TRIM24: variants seen among roughly 807,000 people sequenced by gnomAD.
The protein encoded by TRIM24 is tripartite motif containing 24.
Under a neutral mutation model 123.9 loss-of-function variants are expected in TRIM24, and 29 were observed. The observed-to-expected ratio is 0.23, with a 90% CI of 0.17 to 0.32. The LOEUF (loss-of-function observed/expected upper bound fraction) is 0.32, where lower values mean the gene tolerates loss of function less well. Ranked by LOEUF, TRIM24 falls within the 10% of genes least tolerant of loss-of-function variation. TRIM24 has a pLI of 1.00. For missense variants in TRIM24, 932 were observed against 1,295.3 expected (o/e 0.72, Z 4.31); for synonymous variants, 456 against 461.1 (o/e 0.99, Z 0.14).
intron 14 of TRIM24, among the ~76,000 whole-genome samples, chr7:138,578,544 G>A (rs1797817082): frequency 7.4e-6 from 1 of 134,316 alleles, no homozygotes; most frequent in South Asian, 2.5e-4. Context: ...GTGTGTGTGT[G>A]TGTGTGTGTG....
At chr7:138,472,091 T>A (rs1047090275) in intron 1 of TRIM24, among the ~76,000 whole-genome samples, 1 of 151,966 alleles carries the variant, frequency 6.6e-6, no homozygotes, top group Non-Finnish European at 1.5e-5. Flanking sequence ...TGGGGTAGGT[T>A]AAACAATGAG....
intron 7 of TRIM24, among the ~76,000 whole-genome samples, chr7:138,539,528 G>C (rs935119881): frequency 6.6e-5 from 10 of 152,016 alleles, no homozygotes; most frequent in Non-Finnish European, 1.5e-4. Flanking sequence ...GAGTAACAAA[G>C]ATATAGAAGA....
chr7:138,558,397 C>T (rs565222348), intron 9 of TRIM24, among the ~76,000 whole-genome samples: 13 of 152,262 alleles, frequency 8.5e-5, no homozygotes, highest in South Asian at 8.3e-4. Flanking sequence ...AAGGGCCAGA[C>T]GCTCAAGCTT....
At chr7:138,464,010 T>TTTTTTTTTTTTTTTTTTTTTTTTA (rs1795075994) in intron 1 of TRIM24, among the ~76,000 whole-genome samples, 1 of 134,440 alleles carries the variant, frequency 7.4e-6, no homozygotes, top group African/African-American at 2.8e-5. Context: ...TTTTTTTTTT[T>TTTTTTTTTTTTTTTTTTTTTTTTA]TTGAGACGGA....
At chr7:138,487,730 T>A (rs1435797436) in intron 1 of TRIM24, among the ~76,000 whole-genome samples, 1 of 152,192 alleles carries the variant, frequency 6.6e-6, no homozygotes, top group Non-Finnish European at 1.5e-5. Flanking sequence ...TTTGATATGC[T>A]GCCGGATTTG....
At chr7:138,484,108 A>T (rs949437936) in intron 1 of TRIM24, among the ~76,000 whole-genome samples, 2 of 151,562 alleles carry the variant, frequency 1.3e-5, no homozygotes, top group Non-Finnish European at 2.9e-5. Context: ...TTGATCATAA[A>T]TAGATTTTTT....
At chr7:138,462,272 G>A (rs948028778) in intron 1 of TRIM24, among the ~76,000 whole-genome samples, 3 of 151,706 alleles carry the variant, frequency 2.0e-5, no homozygotes. Flanking sequence ...TGCCTGTGTA[G>A]ATGTCAACTG....
intron 16 of TRIM24, among the ~76,000 whole-genome samples, chr7:138,581,440 G>A (rs1013740190): frequency 4.6e-5 from 7 of 152,140 alleles, no homozygotes; most frequent in African/African-American, 9.7e-5. Context: ...TACACAGACT[G>A]GAGCAATAAG....
intron 6 of TRIM24, among the ~76,000 whole-genome samples, chr7:138,533,083 A>T (rs1343035893): frequency 1.3e-5 from 2 of 152,198 alleles, no homozygotes; most frequent in Non-Finnish European, 2.9e-5. Context: ...GACTTTGCTG[A>T]AGTTGCTTAT....
intron 9 of TRIM24, among the ~76,000 whole-genome samples, chr7:138,560,065 G>A (rs1056329636): frequency 1.3e-5 from 2 of 152,144 alleles, no homozygotes; most frequent in South Asian, 4.1e-4. Context: ...ATCTCATAGG[G>A]CAAATAGCCA....
chr7:138,463,530 C>T (rs915487136), intron 1 of TRIM24, among the ~76,000 whole-genome samples: 4 of 152,198 alleles, frequency 2.6e-5, no homozygotes, highest in Admixed American at 2.6e-4. Context: ...CCCCACCCGT[C>T]CTCTTCCATT....
chr7:138,460,543 A>G lies in TRIM24; in HGVS notation c.-6A>G. 1 of 1,294,240 alleles carries G rather than the reference A, an allele frequency of 7.7e-7. No homozygotes were observed. Among genetic ancestry groups the G allele is most frequent in the African/African-American group, 1.5e-5 (1 of 64,744 alleles). The allele number at this position is 1,294,240 out of a possible 1,614,324, so 80.2% of individuals were successfully genotyped here. On this transcript the variant is annotated 5_prime_UTR_variant, in exon 1 of 19. Transcript: ENST00000343526. ...TCGCTTCCCCGGCGGCGGCAAGGGC[A>G]GGACAATGGAGGTGGCGGTGGAGAA...
At chr7:138,547,838 G>A (rs780349660) in intron 7 of TRIM24, among the ~76,000 whole-genome samples, 10 of 152,128 alleles carry the variant, frequency 6.6e-5, no homozygotes, top group Non-Finnish European at 1.0e-4. Flanking sequence ...TAGAGACGGG[G>A]TTTCATGATG....
At chr7:138,530,090 A>G (rs780280703) in intron 6 of TRIM24, among the ~76,000 whole-genome samples, 1 of 152,170 alleles carries the variant, frequency 6.6e-6, no homozygotes, top group Non-Finnish European at 1.5e-5. Flanking sequence ...ATTCCTGTGT[A>G]TTATCAGCTG....
chr7:138,526,727 C>T (rs1246606064), intron 5 of TRIM24, among the ~76,000 whole-genome samples: 1 of 152,094 alleles, frequency 6.6e-6, no homozygotes, highest in African/African-American at 2.4e-5. Context: ...TTACTTTTCT[C>T]TTTGACACAA....
intron 7 of TRIM24, among the ~76,000 whole-genome samples, 182 bp downstream of exon 7, chr7:138,538,985 A>G (rs755280888): frequency 5.3e-5 from 8 of 152,144 alleles, no homozygotes; most frequent in Non-Finnish European, 1.0e-4. Flanking sequence ...TTCAGTTTTA[A>G]TTTATCATTA....
At chr7:138,480,690 C>T (rs193195973) in intron 1 of TRIM24, among the ~76,000 whole-genome samples, 3 of 152,098 alleles carry the variant, frequency 2.0e-5, no homozygotes, top group East Asian at 1.9e-4. Flanking sequence ...AGAAGGTGAA[C>T]GCTCAAGTTA....
In TRIM24 at chr7:138,551,184, G is replaced by T; in HGVS notation, c.1261+4G>T. On this transcript the variant is annotated splice_donor_region_variant and intron_variant, in intron 8 of 18. Transcript: ENST00000343526. Reference sequence around the variant, plus strand: ...GCTCAAAATATCATCAACTTAGGTGGGCCATTACCATTACATACATTTCTC... The same window carrying T: ...GCTCAAAATATCATCAACTTAGGTGTGCCATTACCATTACATACATTTCTC... The T allele has an allele frequency of 6.2e-7, 1 of 1,600,880 alleles. No homozygotes were observed. The highest frequency in any genetic ancestry group is 8.6e-7 in the Non-Finnish European group (1 of 1,168,228).
intron 3 of TRIM24, among the ~76,000 whole-genome samples, chr7:138,516,813 GTTTTT>G (rs77546595): frequency 1.5e-5 from 2 of 132,450 alleles, no homozygotes; most frequent in African/African-American, 5.8e-5. Flanking sequence ...AAACCGTTTT[GTTTTT>G]TTTTTTTTTT....
Sources: allele counts gnomAD v4.1 joint callset (sites outside exome capture counted in the v4.1 genomes callset), GRCh38; gene constraint gnomAD v4.1.1; transcripts MANE v1.5; gene names NCBI Gene and HGNC (gene_info 2026-07-23, HGNC 2026-07-21).